Variants in RBFOX1 observed in about 807,000 individuals in gnomAD.
The protein encoded by RBFOX1 is RNA binding protein fox-1 homolog 1.
A neutral mutation model predicts 57.7 loss-of-function variants in RBFOX1; 8 were observed. The observed-to-expected ratio is 0.14, with a 90% CI of 0.08 to 0.25. The LOEUF is 0.25. RBFOX1 is among the 10% of genes least tolerant of loss of function. The pLI is 1.00. For synonymous variants in RBFOX1, 326 were observed against 222.4 expected (o/e 1.47, Z -4.15); for missense variants, 611 against 548.5 (o/e 1.11, Z -1.14).
chr16:5,454,950 C>CTTTCTTT (rs1567535805), intron 1 of RBFOX1, among the ~76,000 whole-genome samples: 15 of 42,666 alleles, frequency 3.5e-4, no homozygotes, highest in East Asian at 1.6e-3. Context: ...TTCCTTCCTT[C>CTTTCTTT]CTTCCTTCCT....
At chr16:5,346,874 G>A (rs1389847155) in intron 1 of RBFOX1, among the ~76,000 whole-genome samples, 3 of 152,186 alleles carry the variant, frequency 2.0e-5, no homozygotes, top group Non-Finnish European at 4.4e-5. Context: ...TCAAGAGCTG[G>A]TGTGGGGCTT....
intron 4 of RBFOX1, among the ~76,000 whole-genome samples, chr16:7,503,914 C>A (rs532883629): frequency 6.6e-6 from 1 of 152,050 alleles, no homozygotes; most frequent in Non-Finnish European, 1.5e-5. Flanking sequence ...GTATTGATAG[C>A]CAAGTACTTA....
chr16:5,935,946 G>T lies in RBFOX1; in HGVS notation c.351+68611G>T, dbSNP rs138130092. On this transcript the variant is annotated intron_variant, in intron 4 of 19. Transcript: ENST00000641259. ...TCTACCTCAACCAGCCTCCCCTGGA[G>T]GCCCTCAGGGCCTTCGTTCTGTAAA... Among the ~76,000 whole-genome samples, 5 of 152,258 alleles carry T rather than the reference G, an allele frequency of 3.3e-5. No individual in the cohort carries two copies. In the South Asian group the frequency reaches 1.0e-3, roughly 32 times the overall value.
intron 4 of RBFOX1, among the ~76,000 whole-genome samples, chr16:7,412,893 T>C (rs918752486): frequency 6.6e-6 from 1 of 151,894 alleles, no homozygotes; most frequent in East Asian, 2.0e-4. Flanking sequence ...ATATAAAAAA[T>C]TGGCCAGGCG....
intron 3 of RBFOX1, among the ~76,000 whole-genome samples, chr16:6,933,967 A>G (rs1218582391): frequency 6.6e-6 from 1 of 152,178 alleles, no homozygotes; most frequent in East Asian, 1.9e-4. Flanking sequence ...AGTACTTATC[A>G]CTAAAGTTAA....
At chr16:6,437,377 A>T (rs769621035) in intron 2 of RBFOX1, among the ~76,000 whole-genome samples, 2 of 152,222 alleles carry the variant, frequency 1.3e-5, no homozygotes, top group Non-Finnish European at 2.9e-5. Flanking sequence ...TTTTGTTTGC[A>T]GCTTGAAAAC....
At chr16:6,707,478 G>GTGT (rs2062952898) in intron 3 of RBFOX1, among the ~76,000 whole-genome samples, 1 of 128,310 alleles carries the variant, frequency 7.8e-6, no homozygotes, top group South Asian at 2.5e-4. Flanking sequence ...TCCCATTTTT[G>GTGT]TTTTTTTTTT....
At chr16:6,769,953 T>A (rs933649261) in intron 3 of RBFOX1, among the ~76,000 whole-genome samples, 1 of 152,212 alleles carries the variant, frequency 6.6e-6, no homozygotes, top group Admixed American at 6.5e-5. Flanking sequence ...TTCCTATCTA[T>A]GTGCCTTATG....
chr16:6,825,212 G>A (rs2091966635), intron 3 of RBFOX1, among the ~76,000 whole-genome samples: 1 of 150,136 alleles, frequency 6.7e-6, no homozygotes, highest in African/African-American at 2.4e-5. Context: ...GTTTTGGGAG[G>A]CTGCTTAGCA....
chr16:5,723,985 C>T (rs762156633), intron 3 of RBFOX1, among the ~76,000 whole-genome samples: 4 of 151,158 alleles, frequency 2.6e-5, no homozygotes, highest in African/African-American at 7.3e-5. Flanking sequence ...TGGTCCAACT[C>T]GAAGAAGAGT....
In RBFOX1 at chr16:7,153,463, A is replaced by C. The variant is rs1377523353; in HGVS notation, c.27+101365A>C. The stretch of plus-strand genomic sequence containing the variant: ...TTGAAAGGACATCTGTTGGCCGGGC[A>C]AGGTGGCTCACGTCTGTAATCCCAG... On this transcript the variant is annotated intron_variant, in intron 4 of 15. Transcript: ENST00000550418. Among the ~76,000 whole-genome samples, 4 of 152,054 alleles carry C rather than the reference A, an allele frequency of 2.6e-5. No individual in the cohort carries two copies. In the East Asian group the frequency reaches 7.7e-4, roughly 29 times the overall value.
At position 7,024,573 on chromosome 16, in the gene RBFOX1, G is replaced by A. The variant is rs187175192; in HGVS notation, c.-15-27484G>A. 4.1e-4 allele frequency among the ~76,000 whole-genome samples: 63 copies of A among 152,236 alleles called. No homozygotes were observed. The South Asian group carries it at 5.2e-3, about 13-fold the overall frequency. On this transcript the variant is annotated intron_variant, in intron 3 of 15. Coordinates refer to ENST00000550418, the MANE Select transcript of RBFOX1 (RefSeq NM_018723.4). ...TCCTCATTGTGTAAACACTGGGGCA[G>A]GTAAGGGATATATTGCAAGCGATAA...
chr16:7,427,400 C>T (rs1389437088), intron 4 of RBFOX1, among the ~76,000 whole-genome samples: 2 of 152,034 alleles, frequency 1.3e-5, no homozygotes, highest in African/African-American at 4.8e-5. Flanking sequence ...GTTTGAGAGC[C>T]CCTGCTGAAG....
intron 4 of RBFOX1, among the ~76,000 whole-genome samples, chr16:7,374,234 C>T (rs2097641046): frequency 6.6e-6 from 1 of 152,116 alleles, no homozygotes; most frequent in Non-Finnish European, 1.5e-5. Flanking sequence ...ATTTACCATC[C>T]CGTGGAATCA....
intron 3 of RBFOX1, among the ~76,000 whole-genome samples, chr16:5,781,019 A>G (rs1402008485): frequency 1.3e-5 from 2 of 152,168 alleles, no homozygotes; most frequent in African/African-American, 2.4e-5. Context: ...ACAGGTTAGA[A>G]CCATGGTGGG....
intron 3 of RBFOX1, among the ~76,000 whole-genome samples, chr16:7,037,173 C>T (rs1239303579): frequency 1.3e-5 from 2 of 150,524 alleles, no homozygotes; most frequent in Non-Finnish European, 2.9e-5. Context: ...CTATCTTATC[C>T]TGTGACTTAG....
chr16:5,705,320 G>C (rs1596853088), intron 3 of RBFOX1, among the ~76,000 whole-genome samples: 1 of 152,016 alleles, frequency 6.6e-6, no homozygotes, highest in African/African-American at 2.4e-5. Context: ...AGGGTGCAGT[G>C]GCATGATCCT....
intron 3 of RBFOX1, among the ~76,000 whole-genome samples, chr16:6,987,456 GACACACACACACACACACACACAC>G (rs199503873): frequency 0.082 from 11,068 of 135,524 alleles, 590 homozygotes; most frequent in East Asian, 0.28. Flanking sequence ...AAACTTTTCA[GACACACACACACACACACACACAC>G]ACACACACAC....
intron 2 of RBFOX1, among the ~76,000 whole-genome samples, chr16:6,449,030 G>A (rs2094540826): frequency 6.6e-6 from 1 of 152,066 alleles, no homozygotes; most frequent in African/African-American, 2.4e-5. Flanking sequence ...GTTATCATTA[G>A]GACAGAAAGA....
Sources: gnomAD v4.1 joint callset for allele counts (sites outside exome capture counted in the v4.1 genomes callset) on GRCh38, gnomAD v4.1.1 for gene constraint, MANE v1.5 for transcripts, NCBI Gene and HGNC (gene_info 2026-07-23, HGNC 2026-07-21) for gene names.